IPCEF1: variants seen among roughly 807,000 people sequenced by gnomAD.
IPCEF1 encodes the protein interactor protein for cytohesin exchange factors 1.
IPCEF1 carries 31 observed loss-of-function variants against 50.9 expected under a neutral mutation model. The observed-to-expected ratio is 0.61, with a 90% CI of 0.46 to 0.82. IPCEF1 has a LOEUF of 0.82. Among genes scored for constraint, IPCEF1 ranks in the 40% least tolerant of loss-of-function variants. IPCEF1 has a pLI of 0.00. For missense variants in IPCEF1, 458 were observed against 514.0 expected (o/e 0.89, Z 1.05); for synonymous variants, 181 against 192.0 (o/e 0.94, Z 0.47).
At chr6:154,264,097 G>T (rs936056229) in intron 3 of IPCEF1, among the ~76,000 whole-genome samples, 2 of 149,208 alleles carry the variant, frequency 1.3e-5, no homozygotes, top group Admixed American at 6.6e-5. Flanking sequence ...TCTCTTATTT[G>T]TTCCTCTTAT....
At chr6:154,217,410 A>T (rs993999712) in intron 7 of IPCEF1, 8 of 151,688 alleles carry the variant, frequency 5.3e-5, no homozygotes, top group Non-Finnish European at 1.2e-4. Context: ...TTGTTCCTAA[A>T]CCACAAGAGG....
At position 154,221,247 on chromosome 6, in the gene IPCEF1, C is replaced by T. The variant is rs773719763; in HGVS notation, c.392+10G>A. The T allele has an allele frequency of 6.2e-7, 1 of 1,611,336 alleles. No homozygotes were observed. The highest frequency in any genetic ancestry group is 1.3e-5 in the African/African-American group (1 of 74,962). On this transcript the variant is annotated intron_variant, in intron 7 of 11. Transcript: ENST00000367220. ...ATTAAGGATGGGGTTTACCAGTTTC[C>T]TCTACTTACACGTTCATTTCCTGCA...
intron 1 of IPCEF1, among the ~76,000 whole-genome samples, chr6:154,300,297 T>C (rs1217542768): frequency 4.1e-5 from 4 of 98,364 alleles, no homozygotes; most frequent in African/African-American, 1.3e-4. Context: ...TTGAGAGACA[T>C]GGCTTCCTTT....
At chr6:154,160,073 T>G in intron 11 of IPCEF1, 33 bp from the exon 12 acceptor site, 1 of 1,489,640 alleles carries the variant, frequency 6.7e-7, no homozygotes, top group Non-Finnish European at 9.3e-7. Flanking sequence ...GAAGGGGGTA[T>G]GTTGAGAGTG....
rs781240498 is a variant in IPCEF1, at chr6:154,214,323, C to A, written c.393-47G>T. On this transcript the variant is annotated intron_variant, in intron 7 of 11. Transcript: ENST00000367220. ...AATGTTGACCAAAGAGATTAGCCCC[C>A]CACCCATTCACCTTCCCCCAGAGTT... The A allele has an allele frequency of 9.3e-6, 12 of 1,287,820 alleles. No individual in the cohort carries two copies. In the East Asian group the frequency reaches 2.5e-4, roughly 27 times the overall value. The allele number at this position is 1,287,820 out of a possible 1,614,324, so 79.8% of individuals were successfully genotyped here. A position where few individuals can be genotyped will look rare whatever the true frequency, so the allele number is the denominator to read the frequency against.
intron 1 of IPCEF1, among the ~76,000 whole-genome samples, chr6:154,323,624 T>C (rs1449953298): frequency 6.6e-6 from 1 of 152,170 alleles, no homozygotes; most frequent in African/African-American, 2.4e-5. Context: ...CATGCAGAAA[T>C]ATCTCAAAAT....
chr6:154,214,738 T>G (rs950076861), intron 7 of IPCEF1, among the ~76,000 whole-genome samples: 1 of 152,166 alleles, frequency 6.6e-6, no homozygotes. Flanking sequence ...TTTATGTCAA[T>G]CAGTAAAAAA....
At chr6:154,281,168 C>T (rs181245161) in intron 2 of IPCEF1, among the ~76,000 whole-genome samples, 3 of 138,490 alleles carry the variant, frequency 2.2e-5, no homozygotes, top group East Asian at 2.3e-4. Flanking sequence ...GGTGAAACCC[C>T]GTTCCTACTA....
At chr6:154,265,362 C>T (rs1022036910) in intron 3 of IPCEF1, among the ~76,000 whole-genome samples, 1 of 151,828 alleles carries the variant, frequency 6.6e-6, no homozygotes, top group African/African-American at 2.4e-5. Context: ...CTCACTGCAA[C>T]CTCCACTTCC....
intron 1 of IPCEF1, among the ~76,000 whole-genome samples, chr6:154,310,218 G>T (rs890573571): frequency 6.6e-6 from 1 of 152,108 alleles, no homozygotes; most frequent in African/African-American, 2.4e-5. Context: ...CATCAAAACT[G>T]CCAGGCATTT....
intron 1 of IPCEF1, among the ~76,000 whole-genome samples, chr6:154,300,391 C>T (rs921690171): frequency 1.3e-5 from 2 of 152,136 alleles, no homozygotes; most frequent in Non-Finnish European, 2.9e-5. Context: ...GCAGGAGGAT[C>T]GCTTCAGGCC....
At chr6:154,242,211 A>C (rs1312624777) in intron 5 of IPCEF1, among the ~76,000 whole-genome samples, 1 of 152,148 alleles carries the variant, frequency 6.6e-6, no homozygotes, top group Admixed American at 6.5e-5. Context: ...GATCCTAATA[A>C]TGTGTTAGCA....
chr6:154,312,637 C>T (rs1783108839), intron 1 of IPCEF1, among the ~76,000 whole-genome samples: 1 of 151,990 alleles, frequency 6.6e-6, no homozygotes, highest in Non-Finnish European at 1.5e-5. Context: ...TGAGCCACCG[C>T]ACCTGGCCAG....
chr6:154,202,293 G>A (rs1777134326), intron 9 of IPCEF1, among the ~76,000 whole-genome samples: 1 of 152,056 alleles, frequency 6.6e-6, no homozygotes, highest in Admixed American at 6.5e-5. Context: ...TTGTAAACTG[G>A]TTACCTTACA....
chr6:154,328,016 GAAC>G (rs1783563783), intron 1 of IPCEF1, among the ~76,000 whole-genome samples: 1 of 152,128 alleles, frequency 6.6e-6, no homozygotes, highest in South Asian at 2.1e-4. Flanking sequence ...TGAATGATGA[GAAC>G]ACATGGACAC....
chr6:154,248,889 CAAAT>C (rs755022947), intron 3 of IPCEF1, among the ~76,000 whole-genome samples: 27 of 151,926 alleles, frequency 1.8e-4, no homozygotes, highest in Non-Finnish European at 2.8e-4. Flanking sequence ...TTGAGATAAA[CAAAT>C]ACTTTATATC....
rs538391481 is a variant in IPCEF1, at chr6:154,304,852, G to A, written c.-61-15096C>T. The stretch of plus-strand genomic sequence containing the variant: ...GAAAAGGCCGGGCGCGGTGGCTCAC[G>A]CCTGTAATCCCAGCACTTTGGGAGG... On this transcript the variant is annotated intron_variant, in intron 1 of 11. Coordinates refer to ENST00000367220, the MANE Select transcript of IPCEF1 (RefSeq NM_001130700.2). 8.6e-4 allele frequency among the ~76,000 whole-genome samples: 131 copies of A among 152,302 alleles called. 3 individuals carry two copies. The South Asian group carries it at 0.024, about 28-fold the overall frequency.
intron 10 of IPCEF1, among the ~76,000 whole-genome samples, chr6:154,191,151 T>C (rs1801846739): frequency 6.6e-6 from 1 of 152,140 alleles, no homozygotes; most frequent in Admixed American, 6.5e-5. Context: ...AAAGGGTACA[T>C]ACCATATAAT....
At chr6:154,332,689 TAAATCACTAGAGAGATCACC>T in intron 1 of IPCEF1, among the ~76,000 whole-genome samples, 1 of 152,326 alleles carries the variant, frequency 6.6e-6, no homozygotes, top group Admixed American at 6.5e-5. Context: ...TGCAGACTTC[TAAATCACTAGAGAGATCACC>T]AGGTAGAATG....
Sources: allele counts gnomAD v4.1 joint callset (sites outside exome capture counted in the v4.1 genomes callset), GRCh38; gene constraint gnomAD v4.1.1; transcripts MANE v1.5; gene names NCBI Gene and HGNC (gene_info 2026-07-23, HGNC 2026-07-21).